FYB1: variants seen among roughly 807,000 people sequenced by gnomAD.
FYB1 encodes FYN binding protein 1.
In FYB1, 41 loss-of-function variants were observed where a neutral mutation model predicts 94.1. The observed-to-expected ratio is 0.44, with a 90% confidence interval of 0.34 to 0.57. FYB1 has a LOEUF of 0.57. Among genes scored for constraint, FYB1 ranks in the 20% least tolerant of loss-of-function variants. The probability of loss-of-function intolerance (pLI) is 0.02; values close to 1 mark genes in which losing one functional copy is unlikely to be tolerated. For synonymous variants in FYB1, 367 were observed against 353.2 expected (o/e 1.04, Z -0.44); for missense variants, 1,050 against 976.8 (o/e 1.07, Z -1.00).
intron 2 of FYB1, chr5:39,169,371 C>T (rs1369629085): frequency 1.3e-6 from 1 of 759,724 alleles, no homozygotes; most frequent in Non-Finnish European, 2.5e-6. Context: ...GTCAATTGAA[C>T]TAGCTTTGTG....
Position 39,206,019 on chromosome 5 carries a change from A to G in FYB1, c.-27-3032T>C, listed in dbSNP as rs374554377. On this transcript the variant is annotated intron_variant, in intron 1 of 18. Transcript: ENST00000512982. ...GCTAGTCACAAAACATTATTTCTCT[A>G]TGTGACCAAATTCCGAAGTTACAAT... 1.1e-4 allele frequency among the ~76,000 whole-genome samples: 16 copies of G among 152,200 alleles called. No homozygotes were observed. In the South Asian group the frequency reaches 1.2e-3, roughly 12 times the overall value.
At chr5:39,194,724 A>T (rs1422349471) in intron 2 of FYB1, among the ~76,000 whole-genome samples, 2 of 152,156 alleles carry the variant, frequency 1.3e-5, no homozygotes, top group African/African-American at 4.8e-5. Context: ...AGTTCGTAAA[A>T]TTTGACCAGG....
At chr5:39,253,656 G>A (rs547266975) in intron 1 of FYB1, among the ~76,000 whole-genome samples, 9 of 151,500 alleles carry the variant, frequency 5.9e-5, no homozygotes, top group African/African-American at 1.5e-4. Flanking sequence ...TAAGGTATAG[G>A]ATTGTTACAT....
At chr5:39,264,324 C>T (rs1393036880) in intron 1 of FYB1, among the ~76,000 whole-genome samples, 19 of 152,232 alleles carry the variant, frequency 1.2e-4, no homozygotes, top group Admixed American at 1.2e-3. Context: ...AGTCTGCAAT[C>T]TGCAAGAGGG....
chr5:39,272,691 AAG>A (rs1383028817), intron 1 of FYB1, among the ~76,000 whole-genome samples: 70 of 150,862 alleles, frequency 4.6e-4, no homozygotes, highest in African/African-American at 1.6e-3. Flanking sequence ...AAAAAAAAAA[AAG>A]AATTACTTAA....
At chr5:39,209,308 C>T (rs997549399) in intron 1 of FYB1, among the ~76,000 whole-genome samples, 3 of 149,356 alleles carry the variant, frequency 2.0e-5, no homozygotes, top group Admixed American at 6.9e-5. Flanking sequence ...TTTTTTATCC[C>T]GATTAACACT....
Position 39,121,508 on chromosome 5 carries a change from A to G in FYB1, c.2138+828T>C, listed in dbSNP as rs533072423. On this transcript the variant is annotated intron_variant, in intron 14 of 18. Coordinates refer to ENST00000512982, the MANE Select transcript of FYB1 (RefSeq NM_001465.6). ...TTTTTACCAGTACAGCTCAGAAGAC[A>G]CAACTTACTGTGTTCCATTTATGTT... 3.3e-5 allele frequency among the ~76,000 whole-genome samples: 5 copies of G among 152,326 alleles called. No homozygotes were observed. In the South Asian group the frequency reaches 1.0e-3, roughly 32 times the overall value.
chr5:39,139,395 A>G, intron 4 of FYB1, 143 bp from the exon 5 acceptor site: 1 of 689,494 alleles, frequency 1.5e-6, no homozygotes, highest in Admixed American at 3.9e-5. Flanking sequence ...AGAAATAGAA[A>G]ATCAAATACG....
intron 1 of FYB1, among the ~76,000 whole-genome samples, chr5:39,206,940 G>A (rs557571827): frequency 6.6e-6 from 1 of 152,142 alleles, no homozygotes; most frequent in East Asian, 1.9e-4. Context: ...TATATGATCA[G>A]CAACCCTTGG....
In FYB1 at chr5:39,170,919, C is replaced by A. The variant is rs1285198370; in HGVS notation, c.1136-17315G>T. Reference sequence around the variant, plus strand: ...TTCTTACCTAAGGAATTTGTACTCCCTGCTCTCTGATCAGAACGCTCCTTT... The same window carrying A: ...TTCTTACCTAAGGAATTTGTACTCCATGCTCTCTGATCAGAACGCTCCTTT... On this transcript the variant is annotated intron_variant, in intron 2 of 18. Transcript: ENST00000512982. Among the ~76,000 whole-genome samples the A allele has an allele frequency of 3.3e-5, 5 of 152,178 alleles. No homozygotes were observed. The East Asian group carries it at 9.6e-4, about 29-fold the overall frequency.
rs200951896 is a variant in FYB1, at chr5:39,202,222, T to G, written c.739A>C (p.Asn247His). The change falls in exon 2 of 19, where the codon AAT (asparagine) becomes CAT (histidine). Residue 247 changes from asparagine (N) to histidine (H), a missense_variant. By Grantham distance (68) the Asn-to-His change is moderately conservative (BLOSUM62 1). Coordinates refer to ENST00000512982, the MANE Select transcript of FYB1 (RefSeq NM_001465.6). ...PLKPAREDSE[N>H]KDHAGEISSL... ...GAAATCTCCCCTGCATGGTCTTTAT[T>G]TTCTGAGTCTTCCCTTGCTGGTTTT... is the stretch of plus-strand genomic sequence containing the variant. 1 of 1,613,994 alleles carries G rather than the reference T, an allele frequency of 6.2e-7. No homozygotes were observed. Among genetic ancestry groups the G allele is most frequent in the Admixed American group, 1.7e-5 (1 of 60,024 alleles).
At chr5:39,180,641 G>T (rs1355969309) in intron 2 of FYB1, among the ~76,000 whole-genome samples, 1 of 152,172 alleles carries the variant, frequency 6.6e-6, no homozygotes, top group Non-Finnish European at 1.5e-5. Context: ...TTTAGCAAAA[G>T]ATGCTAATGC....
At chr5:39,109,027 G>C (rs1386101405) in intron 17 of FYB1, among the ~76,000 whole-genome samples, 1 of 152,060 alleles carries the variant, frequency 6.6e-6, no homozygotes, top group East Asian at 1.9e-4. Context: ...TAAAAATAGA[G>C]AGCATTATAA....
intron 2 of FYB1, among the ~76,000 whole-genome samples, chr5:39,165,271 G>A (rs1744615038): frequency 6.6e-6 from 1 of 152,108 alleles, no homozygotes; most frequent in Admixed American, 6.5e-5. Flanking sequence ...AAAACGGCAT[G>A]GCACTGGTAT....
chr5:39,231,537 A>G (rs1186574602), intron 1 of FYB1, among the ~76,000 whole-genome samples: 1 of 152,196 alleles, frequency 6.6e-6, no homozygotes, highest in Non-Finnish European at 1.5e-5. Flanking sequence ...ATATATTTCA[A>G]GAATGAAATA....
At chr5:39,111,091 T>TTTG (rs988408098) in intron 16 of FYB1, among the ~76,000 whole-genome samples, 2 of 151,826 alleles carry the variant, frequency 1.3e-5, no homozygotes, top group Non-Finnish European at 2.9e-5. Context: ...AAAGCTAAGT[T>TTTG]TTGTTGTTGT....
At chr5:39,240,991 A>T (rs1751179359) in intron 1 of FYB1, among the ~76,000 whole-genome samples, 2 of 152,212 alleles carry the variant, frequency 1.3e-5, no homozygotes, top group Non-Finnish European at 2.9e-5. Context: ...GCAGCCATAA[A>T]AAAGAATGAG....
chr5:39,189,999 G>A (rs1204516358), intron 2 of FYB1, among the ~76,000 whole-genome samples: 3 of 152,244 alleles, frequency 2.0e-5, no homozygotes, highest in Admixed American at 2.0e-4. Context: ...TAGATCTGCA[G>A]AGAGCATCAG....
At chr5:39,252,962 G>A (rs1456081643) in intron 1 of FYB1, among the ~76,000 whole-genome samples, 1 of 152,164 alleles carries the variant, frequency 6.6e-6, no homozygotes. Flanking sequence ...GTTAGCAATT[G>A]TTATTCATAT....
Sources: allele counts gnomAD v4.1 joint callset (sites outside exome capture counted in the v4.1 genomes callset), GRCh38; gene constraint gnomAD v4.1.1; transcripts MANE v1.5; gene names NCBI Gene and HGNC (gene_info 2026-07-23, HGNC 2026-07-21).